EPS15: variants seen among roughly 807,000 people sequenced by gnomAD.
The protein encoded by EPS15 is epidermal growth factor receptor substrate 15.
Under a neutral mutation model 113.8 loss-of-function variants are expected in EPS15, and 72 were observed. That is an observed-to-expected ratio of 0.63 (90% confidence interval 0.52 to 0.77). The LOEUF (loss-of-function observed/expected upper bound fraction) is 0.77. EPS15 is among the 30% of genes least tolerant of loss of function. The pLI, the probability that EPS15 is intolerant of heterozygous loss-of-function variation, is 0.00. For missense variants in EPS15, 1,048 were observed against 1,045.8 expected (o/e 1.00, Z -0.03); for synonymous variants, 344 against 363.4 (o/e 0.95, Z 0.61).
At chr1:51,450,475 C>T (rs574303079) in intron 8 of EPS15, among the ~76,000 whole-genome samples, 5 of 151,778 alleles carry the variant, frequency 3.3e-5, no homozygotes, top group Non-Finnish European at 5.9e-5. Flanking sequence ...GAGTTGTAAG[C>T]CACCTATTTG....
At chr1:51,519,137 T>G (rs987235865) in intron 1 of EPS15, 62 bp downstream of exon 1, 2 of 1,223,784 alleles carry the variant, frequency 1.6e-6, no homozygotes, top group African/African-American at 3.2e-5. Flanking sequence ...TCGGCGAAGC[T>G]GAGGGCGGTG....
At chr1:51,474,970 T>C (rs187486292) in intron 2 of EPS15, among the ~76,000 whole-genome samples, 1 of 152,208 alleles carries the variant, frequency 6.6e-6, no homozygotes, top group East Asian at 1.9e-4. Context: ...CTCAGAATGA[T>C]GGTTTCCAGC....
intron 2 of EPS15, among the ~76,000 whole-genome samples, chr1:51,477,959 G>A (rs1570391400): frequency 6.6e-6 from 1 of 152,288 alleles, no homozygotes; most frequent in East Asian, 1.9e-4. Flanking sequence ...TTCTGTAGAG[G>A]TCTATTAGGT....
Position 51,355,165 on chromosome 1 carries a change from G to A in EPS15, c.*1535C>T. The A allele has an allele frequency of 4.6e-6, 1 of 217,678 alleles. No individual in the cohort carries two copies. Among genetic ancestry groups the A allele is most frequent in the East Asian group, 6.8e-5 (1 of 14,628 alleles). The allele number at this position is 217,678 out of a possible 1,614,324, so 13.5% of individuals were successfully genotyped here. ...TAGCAGTGCAAGATAGTGGTTTAAA[G>A]TTTGTTTTAAACTGTAGGAGTCTAA... On this transcript the variant is annotated 3_prime_UTR_variant, in exon 25 of 25. Coordinates refer to ENST00000371733, the MANE Select transcript of EPS15 (RefSeq NM_001981.3).
chr1:51,445,129 T>A (rs1296951836), intron 10 of EPS15, 84 bp from the exon 11 acceptor site: 10 of 1,268,170 alleles, frequency 7.9e-6, no homozygotes, highest in South Asian at 7.1e-5. Context: ...GCAGCTTTTT[T>A]AAAATAATGA....
chr1:51,463,047 T>G (rs1001044809), intron 7 of EPS15: 1 of 151,838 alleles, frequency 6.6e-6, no homozygotes, highest in Non-Finnish European at 1.5e-5. Flanking sequence ...CCGGCTAATT[T>G]TTGTATTTTT....
intron 1 of EPS15, among the ~76,000 whole-genome samples, chr1:51,497,181 T>C (rs1487843843): frequency 6.6e-6 from 1 of 152,238 alleles, no homozygotes; most frequent in Non-Finnish European, 1.5e-5. Flanking sequence ...ACTGAAGTAA[T>C]CATTTGATGA....
At chr1:51,437,254 A>G (rs1245539965) in intron 12 of EPS15, among the ~76,000 whole-genome samples, 2 of 152,154 alleles carry the variant, frequency 1.3e-5, no homozygotes. Flanking sequence ...TCAAGTTTAT[A>G]TATAGCTTTC....
chr1:51,456,178 G>A (rs113209141), intron 8 of EPS15, among the ~76,000 whole-genome samples: 1,696 of 152,098 alleles, frequency 0.011, 31 homozygotes, highest in African/African-American at 0.038. Context: ...TAAAAGAAAC[G>A]GGTTAAGAAT....
At chr1:51,421,705 A>C (rs1650774435) in intron 13 of EPS15, 81 bp downstream of exon 13, 1 of 773,864 alleles carries the variant, frequency 1.3e-6, no homozygotes, top group Non-Finnish European at 2.0e-6. Flanking sequence ...TACTACATCC[A>C]GCAAATAGTA....
At chr1:51,483,464 G>A (rs1204405428) in intron 1 of EPS15, among the ~76,000 whole-genome samples, 2 of 147,414 alleles carry the variant, frequency 1.4e-5, no homozygotes, top group Non-Finnish European at 3.0e-5. Context: ...AGTTTTTCTG[G>A]AGAACCCTAA....
chr1:51,362,292 T>C (rs974670621), intron 23 of EPS15, among the ~76,000 whole-genome samples: 1 of 152,192 alleles, frequency 6.6e-6, no homozygotes, highest in African/African-American at 2.4e-5. Context: ...GTCAGATATA[T>C]GAAATTATAC....
In EPS15 at chr1:51,480,579, ATCTTGGC is replaced by A. The variant is rs1481092062; in HGVS notation, c.75+687_75+693del. 4.6e-5 allele frequency among the ~76,000 whole-genome samples: 7 copies of A among 152,322 alleles called. No homozygotes were observed. The East Asian group carries it at 1.3e-3, about 29-fold the overall frequency. ...GCACAAGCTGGAGTGCAATGGCACG[ATCTTGGC>A]TCACTGTAACCTCGCCTCCCAGGTT... is the stretch of plus-strand genomic sequence containing the variant. On this transcript the variant is annotated intron_variant, in intron 2 of 24. Transcript: ENST00000371733.
intron 1 of EPS15, among the ~76,000 whole-genome samples, chr1:51,491,535 G>T (rs538616406): frequency 6.6e-6 from 1 of 152,262 alleles, no homozygotes; most frequent in Admixed American, 6.5e-5. Context: ...AAAACAGGAT[G>T]AAAACTAAGA....
intron 20 of EPS15, among the ~76,000 whole-genome samples, chr1:51,398,199 A>G (rs1031260264): frequency 1.3e-5 from 2 of 151,998 alleles, no homozygotes; most frequent in African/African-American, 4.8e-5. Context: ...GACTATAGGC[A>G]CCCACCACCG....
chr1:51,472,437 T>C (rs780908811), intron 3 of EPS15, among the ~76,000 whole-genome samples: 1 of 152,120 alleles, frequency 6.6e-6, no homozygotes, highest in Non-Finnish European at 1.5e-5. Context: ...ATATAAGGAG[T>C]AGACAGGGGA....
chr1:51,359,944 C>T (rs1646342944), intron 24 of EPS15, among the ~76,000 whole-genome samples: 1 of 151,840 alleles, frequency 6.6e-6, no homozygotes, highest in Non-Finnish European at 1.5e-5. Context: ...GCTCTGTCAC[C>T]CAGGCTGAAG....
chr1:51,393,838 T>C (rs538572700), intron 21 of EPS15, among the ~76,000 whole-genome samples: 121 of 152,344 alleles, frequency 7.9e-4, no homozygotes, highest in South Asian at 3.7e-3. Flanking sequence ...ACGATCTTGA[T>C]GAACACTGCT....
At chr1:51,407,659 T>C (rs1649258788) in intron 15 of EPS15, among the ~76,000 whole-genome samples, 1 of 152,238 alleles carries the variant, frequency 6.6e-6, no homozygotes, top group African/African-American at 2.4e-5. Flanking sequence ...CAAATGTGAA[T>C]TCAAAATTAG....
Sources: allele counts gnomAD v4.1 joint callset (sites outside exome capture counted in the v4.1 genomes callset), GRCh38; gene constraint gnomAD v4.1.1; transcripts MANE v1.5; gene names NCBI Gene and HGNC (gene_info 2026-07-23, HGNC 2026-07-21).